CHST11: variants seen among roughly 807,000 people sequenced by gnomAD.
CHST11 encodes C4S-1.
A neutral mutation model predicts 30.4 loss-of-function variants in CHST11; 9 were observed. That is an observed-to-expected ratio of 0.30 (90% CI 0.18 to 0.52). The LOEUF (loss-of-function observed/expected upper bound fraction) is 0.52. Ranked by LOEUF, CHST11 falls within the 20% of genes least tolerant of loss-of-function variation. CHST11 has a pLI of 0.97. For synonymous variants in CHST11, 152 were observed against 187.8 expected, an observed-to-expected ratio of 0.81 and a Z score of 1.56; for missense variants, 348 against 460.6, an observed-to-expected ratio of 0.76 and a Z score of 2.24.
chr12:104,628,674 C>A (rs2039242879), intron 2 of CHST11, among the ~76,000 whole-genome samples: 2 of 152,168 alleles, frequency 1.3e-5, no homozygotes, highest in South Asian at 2.1e-4. Context: ...GCCCTCCAGG[C>A]CTTGGTTTAG....
intron 2 of CHST11, among the ~76,000 whole-genome samples, chr12:104,605,152 C>CAAAA (rs3039180): frequency 3.2e-5 from 3 of 93,516 alleles, no homozygotes; most frequent in Non-Finnish European, 6.7e-5. Flanking sequence ...ATCCCCTCTC[C>CAAAA]AAAAAAAAAA....
At chr12:104,486,397 G>A (rs201835932) in intron 1 of CHST11, among the ~76,000 whole-genome samples, 12 of 152,152 alleles carry the variant, frequency 7.9e-5, no homozygotes, top group East Asian at 7.7e-4. Context: ...GGAATGCAGC[G>A]GGGTGCTCCC....
intron 1 of CHST11, among the ~76,000 whole-genome samples, chr12:104,519,071 GGTGTGTGT>G (rs10628757): frequency 3.6e-5 from 5 of 139,568 alleles, no homozygotes; most frequent in Admixed American, 7.1e-5. Context: ...GGACTCTTGA[GGTGTGTGT>G]GTGTGTGTGT....
chr12:104,730,892 G>A (rs1030415234), intron 2 of CHST11, among the ~76,000 whole-genome samples: 1 of 152,174 alleles, frequency 6.6e-6, no homozygotes, highest in Non-Finnish European at 1.5e-5. Flanking sequence ...TGCCAGAAAA[G>A]TCTGTTCCCC....
chr12:104,518,174 C>A (rs987212262), intron 1 of CHST11, among the ~76,000 whole-genome samples: 8 of 152,062 alleles, frequency 5.3e-5, no homozygotes, highest in African/African-American at 1.4e-4. Flanking sequence ...GTAGTCCCCG[C>A]TACGTGGGAG....
intron 1 of CHST11, among the ~76,000 whole-genome samples, chr12:104,510,224 A>AT (rs934271966): frequency 5.3e-5 from 8 of 151,420 alleles, no homozygotes; most frequent in Admixed American, 2.6e-4. Context: ...AGGCCAAAAC[A>AT]TTTTTTTTTA....
At chr12:104,639,686 A>C (rs976509011) in intron 2 of CHST11, among the ~76,000 whole-genome samples, 7 of 152,184 alleles carry the variant, frequency 4.6e-5, no homozygotes, top group Non-Finnish European at 8.8e-5. Context: ...CCTTCACGGA[A>C]TAAGAGTTCA....
chr12:104,721,137 C>T (rs1338191142), intron 2 of CHST11, among the ~76,000 whole-genome samples: 1 of 152,182 alleles, frequency 6.6e-6, no homozygotes, highest in African/African-American at 2.4e-5. Context: ...AAGAGCAAAC[C>T]CTAAAGCCAG....
In CHST11 at chr12:104,480,200, GC is replaced by G. The variant is rs550612915; in HGVS notation, c.118+22679del. Reference sequence around the variant, plus strand: ...AGTGCACTGAGTTGATAGTGTCCCCGCCCCCCCCTCCAAATTCATGTTCTTC... The same window carrying G: ...AGTGCACTGAGTTGATAGTGTCCCCGCCCCCCCTCCAAATTCATGTTCTTC... On this transcript the variant is annotated intron_variant, in intron 1 of 2. Coordinates refer to ENST00000303694, the MANE Select transcript of CHST11 (RefSeq NM_018413.6). 4.0e-3 allele frequency among the ~76,000 whole-genome samples: 598 copies of G among 151,006 alleles called. 3 individuals carry two copies. The highest frequency in any genetic ancestry group is 0.013 in the African/African-American group (550 of 41,072).
At chr12:104,629,251 ATGAGCCAGGAGTC>A (rs1358724825) in intron 2 of CHST11, among the ~76,000 whole-genome samples, 3 of 152,188 alleles carry the variant, frequency 2.0e-5, no homozygotes, top group African/African-American at 7.2e-5. Flanking sequence ...CACAGTTTTG[ATGAGCCAGGAGTC>A]TGAGTATCTT....
chr12:104,678,496 A>G (rs988551702), intron 2 of CHST11, among the ~76,000 whole-genome samples: 1 of 152,230 alleles, frequency 6.6e-6, no homozygotes, highest in Non-Finnish European at 1.5e-5. Context: ...GATTTAATTC[A>G]TTTAGTCTTC....
Position 104,656,735 on chromosome 12 carries a change from C to T in CHST11, c.204+54744C>T, listed in dbSNP as rs947399987. Among the ~76,000 whole-genome samples the T allele has an allele frequency of 3.3e-5, 5 of 152,310 alleles. No homozygotes were observed. The East Asian group carries it at 7.7e-4, about 24-fold the overall frequency. On this transcript the variant is annotated intron_variant, in intron 2 of 2. Transcript: ENST00000303694. ...CAGATACACACTCACAAACCATCTT[C>T]GTGACCACAGTGGGGGGTTGCTGGT...
At chr12:104,543,808 C>T (rs1454588466) in intron 1 of CHST11, among the ~76,000 whole-genome samples, 3 of 152,060 alleles carry the variant, frequency 2.0e-5, no homozygotes, top group African/African-American at 7.2e-5. Flanking sequence ...TTATATTTTT[C>T]CCTTTACTTT....
At chr12:104,462,344 C>T (rs73382371) in intron 1 of CHST11, among the ~76,000 whole-genome samples, 10,620 of 150,792 alleles carry the variant, frequency 0.07, 885 homozygotes, top group African/African-American at 0.21. Flanking sequence ...AATGCATATA[C>T]ATAGTTGAGA....
At chr12:104,480,158 TA>T (rs1293923802) in intron 1 of CHST11, among the ~76,000 whole-genome samples, 2 of 152,174 alleles carry the variant, frequency 1.3e-5, no homozygotes, top group Non-Finnish European at 2.9e-5. Context: ...CTATCTTTCA[TA>T]AACATCTGCT....
At chr12:104,489,510 C>T (rs2135966730) in intron 1 of CHST11, among the ~76,000 whole-genome samples, 1 of 152,146 alleles carries the variant, frequency 6.6e-6, no homozygotes. Flanking sequence ...GATGGAGTCT[C>T]ACTCTGTCGC....
intron 2 of CHST11, among the ~76,000 whole-genome samples, chr12:104,707,089 C>G (rs1248323054): frequency 6.6e-6 from 1 of 152,176 alleles, no homozygotes; most frequent in Non-Finnish European, 1.5e-5. Flanking sequence ...CCAGACCAGC[C>G]CACTGCAGCA....
Position 104,457,202 on chromosome 12 carries a change from C to A in CHST11, c.-210C>A. On this transcript the variant is annotated 5_prime_UTR_variant, in exon 1 of 3. Coordinates refer to ENST00000303694, the MANE Select transcript of CHST11 (RefSeq NM_018413.6). ...GCGCAGCCAGCGGGTCCACGCATCT[C>A]AGCACTTCCAGACCAACTCCGGCAC... is the stretch of plus-strand genomic sequence containing the variant. The A allele has an allele frequency of 2.2e-6, 1 of 461,030 alleles. No individual in the cohort carries two copies. Among genetic ancestry groups the A allele is most frequent in the Non-Finnish European group, 3.9e-6 (1 of 256,718 alleles). The allele number at this position is 461,030 out of a possible 1,614,324, so 28.6% of individuals were successfully genotyped here.
chr12:104,745,284 C>A (rs2040381450), intron 2 of CHST11, among the ~76,000 whole-genome samples: 1 of 152,170 alleles, frequency 6.6e-6, no homozygotes, highest in Non-Finnish European at 1.5e-5. Flanking sequence ...GTTCTCTATT[C>A]TGTTCCATTG....
Sources: allele counts gnomAD v4.1 joint callset (sites outside exome capture counted in the v4.1 genomes callset), GRCh38; gene constraint gnomAD v4.1.1; transcripts MANE v1.5; gene names NCBI Gene and HGNC (gene_info 2026-07-23, HGNC 2026-07-21).